Variants in C6 observed in about 807,000 individuals in gnomAD.
The protein encoded by C6 is complement C6, also known as complement component C6.
C6 carries 101 observed loss-of-function variants against 112.9 expected under a neutral mutation model. The observed-to-expected ratio is 0.89, with a 90% CI of 0.76 to 1.06. C6 has a LOEUF of 1.06. Among genes scored for constraint, C6 ranks in the 50% least tolerant of loss-of-function variants. C6 has a pLI of 0.00. For missense variants in C6, 1,202 were observed against 1,104.6 expected (o/e 1.09, Z -1.25); for synonymous variants, 431 against 384.1 (o/e 1.12, Z -1.43).
At chr5:41,205,939 C>T (rs1054520945) in intron 1 of C6, among the ~76,000 whole-genome samples, 2 of 152,196 alleles carry the variant, frequency 1.3e-5, no homozygotes, top group Non-Finnish European at 2.9e-5. Flanking sequence ...TCCCTGACCC[C>T]CGAGTAGCCT....
chr5:41,161,374 C>A (rs963183634), intron 10 of C6, among the ~76,000 whole-genome samples: 1 of 151,896 alleles, frequency 6.6e-6, no homozygotes, highest in African/African-American at 2.4e-5. Context: ...AACACAGAAA[C>A]CAGATTTATT....
chr5:41,195,300 G>A (rs1750525616), intron 5 of C6, among the ~76,000 whole-genome samples: 1 of 152,042 alleles, frequency 6.6e-6, no homozygotes, highest in African/African-American at 2.4e-5. Flanking sequence ...TTGACTCTGG[G>A]TTTGCTTTTC....
At chr5:41,214,963 G>A (rs968187712), upstream of C6, among the ~76,000 whole-genome samples, 4 of 152,074 alleles carry the variant, frequency 2.6e-5, no homozygotes, top group African/African-American at 7.2e-5. Context: ...GATGGAATGC[G>A]AATGTCTGTG....
At chr5:41,145,252 T>G (rs1745709491) in intron 17 of C6, among the ~76,000 whole-genome samples, 1 of 152,188 alleles carries the variant, frequency 6.6e-6, no homozygotes. Flanking sequence ...TGTAAACTTG[T>G]CATTTTACAA....
chr5:41,201,297 G>A (rs184479479), intron 3 of C6, among the ~76,000 whole-genome samples: 3 of 152,276 alleles, frequency 2.0e-5, no homozygotes, highest in East Asian at 3.9e-4. Flanking sequence ...GGCACAGGCA[G>A]TGGAATTCAG....
At chr5:41,168,500 G>C (rs10078072) in intron 9 of C6, among the ~76,000 whole-genome samples, 310 of 152,246 alleles carry the variant, frequency 2.0e-3, no homozygotes, top group African/African-American at 7.2e-3. Flanking sequence ...CTACTGTGAC[G>C]ATGCTCCTAC....
intron 9 of C6, among the ~76,000 whole-genome samples, chr5:41,164,988 A>G (rs1004486412): frequency 9.9e-5 from 15 of 152,166 alleles, no homozygotes; most frequent in African/African-American, 3.6e-4. Context: ...TCATGCTTTT[A>G]TCCAGTCATT....
chr5:41,207,490 G>C (rs1346275650), intron 1 of C6, among the ~76,000 whole-genome samples: 1 of 152,174 alleles, frequency 6.6e-6, no homozygotes, highest in South Asian at 2.1e-4. Flanking sequence ...CCCATCTCAT[G>C]TGCAGAGACA....
chr5:41,186,709 T>C lies in C6; in HGVS notation c.588-501A>G, dbSNP rs116242375. ...AAATATATTTTATTTAACAAATGCT[T>C]ATATACTATTTACTATAAGCCAAGC... On this transcript the variant is annotated intron_variant, in intron 5 of 17. Coordinates refer to ENST00000337836, the MANE Select transcript of C6 (RefSeq NM_000065.5). 4.9e-3 allele frequency among the ~76,000 whole-genome samples: 748 copies of C among 152,098 alleles called. 2 individuals carry two copies. Among genetic ancestry groups the C allele is most frequent in the Non-Finnish European group, 7.6e-3 (517 of 67,980 alleles).
chr5:41,220,495 G>A (rs886577534), intron 1 of C6, among the ~76,000 whole-genome samples: 23 of 151,910 alleles, frequency 1.5e-4, no homozygotes, highest in Admixed American at 5.3e-4. Flanking sequence ...ACTTACTAAC[G>A]TTTTGTGTGT....
chr5:41,181,293 G>T, intron 7 of C6, 66 bp downstream of exon 7: 3 of 1,393,564 alleles, frequency 2.2e-6, no homozygotes, highest in Non-Finnish European at 2.0e-6. Context: ...CCTTCTTATT[G>T]CATGATTACT....
chr5:41,226,990 A>T (rs927354301), intron 1 of C6, among the ~76,000 whole-genome samples: 2 of 152,140 alleles, frequency 1.3e-5, no homozygotes, highest in African/African-American at 4.8e-5. Context: ...AGAATGCTGG[A>T]TCATATGGAT....
At chr5:41,208,914 A>G (rs1751664117) in intron 1 of C6, among the ~76,000 whole-genome samples, 1 of 152,042 alleles carries the variant, frequency 6.6e-6, no homozygotes, top group Non-Finnish European at 1.5e-5. Flanking sequence ...CAGAGACACA[A>G]CGAAAAAAGA....
At chr5:41,169,050 G>C (rs2150293373) in intron 9 of C6, among the ~76,000 whole-genome samples, 1 of 152,218 alleles carries the variant, frequency 6.6e-6, no homozygotes, top group Non-Finnish European at 1.5e-5. Context: ...ACAAAAGATG[G>C]CCTGGCCTTT....
chr5:41,165,135 G>A (rs1297516032), intron 9 of C6, among the ~76,000 whole-genome samples: 2 of 152,052 alleles, frequency 1.3e-5, no homozygotes, highest in Non-Finnish European at 2.9e-5. Context: ...TTATGTTTGT[G>A]GCATTCATCT....
At chr5:41,186,412 G>A (rs112787045) in intron 5 of C6, 1 of 588,132 alleles carries the variant, frequency 1.7e-6, no homozygotes, top group East Asian at 2.9e-5. Context: ...AGCTTCTCTG[G>A]CTCTATTAGG....
intron 6 of C6, among the ~76,000 whole-genome samples, chr5:41,183,888 A>G (rs755556393): frequency 6.6e-5 from 10 of 152,086 alleles, no homozygotes; most frequent in Non-Finnish European, 1.5e-4. Flanking sequence ...ACAGAAAAAC[A>G]AATACTACAT....
intron 10 of C6, 115 bp from the exon 11 acceptor site, chr5:41,160,482 G>A (rs1747381883): frequency 1.2e-6 from 1 of 803,858 alleles, no homozygotes; most frequent in Non-Finnish European, 2.2e-6. Context: ...CACTTCAAAG[G>A]GATTATTGCA....
At chr5:41,247,835 T>C (rs577107461) in intron 1 of C6, among the ~76,000 whole-genome samples, 2 of 151,368 alleles carry the variant, frequency 1.3e-5, no homozygotes, top group African/African-American at 4.9e-5. Flanking sequence ...CAAACAAATG[T>C]ACAAATATTT....
Sources: gnomAD v4.1 joint callset for allele counts (sites outside exome capture counted in the v4.1 genomes callset) on GRCh38, gnomAD v4.1.1 for gene constraint, MANE v1.5 for transcripts, NCBI Gene and HGNC (gene_info 2026-07-23, HGNC 2026-07-21) for gene names.